The following ELAVL2 variants were observed in gnomAD, a reference collection of about 807,000 sequenced individuals.
The protein encoded by ELAVL2 is ELAV-like protein 2.
In ELAVL2, 4 loss-of-function variants were observed where a neutral mutation model predicts 34.6. That is an observed-to-expected ratio of 0.12 (90% confidence interval 0.06 to 0.26). ELAVL2 has a LOEUF of 0.26. ELAVL2 is among the 10% of genes least tolerant of loss of function. ELAVL2 has a pLI of 1.00. For missense variants in ELAVL2, 432 were observed against 442.8 expected, an observed-to-expected ratio of 0.98 and a Z score of 0.22; for synonymous variants, 193 against 154.8, an observed-to-expected ratio of 1.25 and a Z score of -1.83.
intron 1 of ELAVL2, among the ~76,000 whole-genome samples, chr9:23,771,695 A>G (rs1445651467): frequency 6.6e-6 from 1 of 152,144 alleles, no homozygotes; most frequent in African/African-American, 2.4e-5. Flanking sequence ...GCCCCCTTAA[A>G]ACTTTCAGAA....
Position 23,742,048 on chromosome 9 carries a change from T to C in ELAVL2, c.230-10923A>G, listed in dbSNP as rs1192881824. On this transcript the variant is annotated intron_variant, in intron 2 of 6. Transcript: ENST00000397312. ...TTGGCATGATAACATCTGGCCTTTG[T>C]AAAAGTAACTAGAAGGGCAAGAAAC... 6.6e-5 allele frequency among the ~76,000 whole-genome samples: 10 copies of C among 152,250 alleles called. No homozygotes were observed. In the East Asian group the frequency reaches 1.5e-3, roughly 24 times the overall value.
Position 23,728,013 on chromosome 9 carries a change from G to A in ELAVL2, c.333+3009C>T, listed in dbSNP as rs1445282934. Among the ~76,000 whole-genome samples the A allele has an allele frequency of 3.9e-5, 6 of 152,138 alleles. No individual in the cohort carries two copies. In the East Asian group the frequency reaches 7.7e-4, roughly 20 times the overall value. On this transcript the variant is annotated intron_variant, in intron 3 of 6. Coordinates refer to ENST00000397312, the MANE Select transcript of ELAVL2 (RefSeq NM_004432.5). ...AACCAATCTTCTGTACCTTTCTAAA[G>A]TAAAGCACAGTGTCCTGGCAAGAGT...
chr9:23,763,374 C>T (rs1407248957), intron 1 of ELAVL2, among the ~76,000 whole-genome samples: 1 of 152,076 alleles, frequency 6.6e-6, no homozygotes, highest in Admixed American at 6.6e-5. Flanking sequence ...CACTAACTAC[C>T]TATCTTTGGA....
At position 23,692,576 on chromosome 9, in the gene ELAVL2, T is replaced by G; in HGVS notation, c.1061A>C (p.Asn354Thr). The change falls in exon 7 of 7, where the codon AAC becomes ACC. Residue 354 changes from asparagine (N) to threonine (T), a missense_variant. Coordinates refer to ENST00000397312, the MANE Select transcript of ELAVL2 (RefSeq NM_004432.5). ...AGCTCATTAGGCTTTGTGCGTTTTG[T>G]TTGTCTTAAAGGAGACCTGCAGTAC... The part of the protein sequence containing the change: ...DRVLQVSFKT[N>T]KTHKA 6.2e-7 allele frequency: 1 copy of G among 1,612,610 alleles called. No individual in the cohort carries two copies. The highest frequency in any genetic ancestry group is 8.5e-7 in the Non-Finnish European group (1 of 1,178,766).
intron 5 of ELAVL2, among the ~76,000 whole-genome samples, chr9:23,697,524 T>C (rs2035676426): frequency 1.3e-5 from 2 of 152,172 alleles, no homozygotes; most frequent in African/African-American, 4.8e-5. Flanking sequence ...TATAATTTAA[T>C]GAATAGCACA....
At position 23,793,002 on chromosome 9, in the gene ELAVL2, C is replaced by T. The variant is rs1055692071; in HGVS notation, c.-15-30753G>A. ...ATGTTGTTGAGACTGGTCTTGAACT[C>T]CTGGCCTCAAGCAATCCCTCCCCGC... On this transcript the variant is annotated intron_variant, in intron 1 of 6. Coordinates refer to ENST00000397312, the MANE Select transcript of ELAVL2 (RefSeq NM_004432.5). Among the ~76,000 whole-genome samples, 3 of 152,100 alleles carry T rather than the reference C, an allele frequency of 2.0e-5. No homozygotes were observed. In the East Asian group the frequency reaches 5.8e-4, roughly 29 times the overall value.
At chr9:23,777,967 A>G (rs768308126) in intron 1 of ELAVL2, among the ~76,000 whole-genome samples, 1 of 20,418 alleles carries the variant, frequency 4.9e-5, no homozygotes, top group Non-Finnish European at 8.6e-5. Flanking sequence ...CATAAACAGC[A>G]GCAGCCAGGT....
the ELAVL2 span, among the ~76,000 whole-genome samples, chr9:23,837,095 G>A: frequency 6.6e-6 from 1 of 152,172 alleles, no homozygotes; most frequent in Non-Finnish European, 1.5e-5. Context: ...AATAATGAAA[G>A]TGTTTTGATG....
At chr9:23,763,816 C>T (rs532064207) in intron 1 of ELAVL2, among the ~76,000 whole-genome samples, 12 of 152,170 alleles carry the variant, frequency 7.9e-5, no homozygotes, top group Admixed American at 7.2e-4. Flanking sequence ...AAATATCCAA[C>T]AACCTGTAAC....
chr9:23,736,985 T>C (rs59113966), intron 2 of ELAVL2, among the ~76,000 whole-genome samples: 36 of 152,304 alleles, frequency 2.4e-4, no homozygotes, highest in African/African-American at 8.4e-4. Flanking sequence ...TGAGACTCTC[T>C]GAAGTCATTT....
At chr9:23,730,946 G>A in intron 3 of ELAVL2, 76 bp downstream of exon 3, 1 of 1,370,116 alleles carries the variant, frequency 7.3e-7, no homozygotes, top group Non-Finnish European at 9.9e-7. Flanking sequence ...AAGGAAGAAA[G>A]GAAAGAACTA....
chr9:23,735,105 CAAAAAAAAAAA>C, intron 2 of ELAVL2: 1 of 27,952 alleles, frequency 3.6e-5, no homozygotes, highest in Non-Finnish European at 6.5e-5. Context: ...TAAGGCTCTT[CAAAAAAAAAAA>C]AAAAAAAAAA....
chr9:23,846,999 G>A, the ELAVL2 span, among the ~76,000 whole-genome samples: 2 of 151,998 alleles, frequency 1.3e-5, no homozygotes, highest in East Asian at 3.9e-4. Context: ...CAGTTTCTAG[G>A]TGAAATAAAA....
At chr9:23,791,437 T>C (rs1263965752) in intron 1 of ELAVL2, among the ~76,000 whole-genome samples, 1 of 152,194 alleles carries the variant, frequency 6.6e-6, no homozygotes, top group Non-Finnish European at 1.5e-5. Flanking sequence ...GTTGAAACCA[T>C]AATCTCCAAC....
At chr9:23,764,921 A>G in intron 1 of ELAVL2, 1 of 1,282,306 alleles carries the variant, frequency 7.8e-7, no homozygotes, top group Non-Finnish European at 1.1e-6. Context: ...ATGCCAAATG[A>G]AAGATTCAAG....
chr9:23,721,755 C>T (rs538121876), intron 3 of ELAVL2, among the ~76,000 whole-genome samples: 1 of 152,298 alleles, frequency 6.6e-6, no homozygotes, highest in East Asian at 1.9e-4. Context: ...TGATCCACTT[C>T]CACTTAATGA....
chr9:23,732,986 C>T (rs1442725526), intron 2 of ELAVL2, among the ~76,000 whole-genome samples: 1 of 151,644 alleles, frequency 6.6e-6, no homozygotes, highest in African/African-American at 2.4e-5. Context: ...ACAAATATAA[C>T]AGAAAAAGAA....
At chr9:23,710,821 C>G (rs1256368585) in intron 3 of ELAVL2, among the ~76,000 whole-genome samples, 1 of 152,082 alleles carries the variant, frequency 6.6e-6, no homozygotes, top group Non-Finnish European at 1.5e-5. Context: ...TAAGCAGTAG[C>G]AAAGGTCTTG....
chr9:23,735,953 A>G (rs1324563002), intron 2 of ELAVL2, among the ~76,000 whole-genome samples: 4 of 152,178 alleles, frequency 2.6e-5, no homozygotes, highest in African/African-American at 4.8e-5. Flanking sequence ...AAATGGCAAT[A>G]TATCCCAAAC....
Sources: gnomAD v4.1 joint callset for allele counts (sites outside exome capture counted in the v4.1 genomes callset) on GRCh38, gnomAD v4.1.1 for gene constraint, MANE v1.5 for transcripts, NCBI Gene and HGNC (gene_info 2026-07-23, HGNC 2026-07-21) for gene names.